The following RCAN1 variants were observed in gnomAD, a reference collection of about 807,000 sequenced individuals.
RCAN1 encodes calcipressin-1.
RCAN1 carries 11 observed loss-of-function variants against 22.9 expected under a neutral mutation model. The observed-to-expected ratio is 0.48, with a 90% confidence interval of 0.30 to 0.79. The LOEUF is 0.79. Ranked by LOEUF, RCAN1 falls within the 30% of genes least tolerant of loss-of-function variation. The pLI is 0.06. For synonymous variants in RCAN1, 136 were observed against 142.3 expected, an observed-to-expected ratio of 0.96 and a Z score of 0.32; for missense variants, 291 against 337.8, an observed-to-expected ratio of 0.86 and a Z score of 1.09.
chr21:34,551,642 C>A (rs1382229878), intron 1 of RCAN1, among the ~76,000 whole-genome samples: 1 of 152,096 alleles, frequency 6.6e-6, no homozygotes, highest in Non-Finnish European at 1.5e-5. Context: ...TTCTTTAAGT[C>A]AATCTTAAAG....
At chr21:34,568,835 G>T (rs1408724892) in intron 1 of RCAN1, among the ~76,000 whole-genome samples, 2 of 152,174 alleles carry the variant, frequency 1.3e-5, no homozygotes, top group Non-Finnish European at 2.9e-5. Flanking sequence ...TCACGTTGCT[G>T]ATAAAGATAT....
intron 1 of RCAN1, among the ~76,000 whole-genome samples, chr21:34,592,094 C>G (rs1040996577): frequency 6.6e-6 from 1 of 152,224 alleles, no homozygotes; most frequent in Non-Finnish European, 1.5e-5. Context: ...ATCAAAACTC[C>G]CTGTGCTTGG....
intron 1 of RCAN1, chr21:34,559,759 A>T (rs542662279): frequency 5.9e-5 from 9 of 152,334 alleles, no homozygotes; most frequent in African/African-American, 2.2e-4. Context: ...GGTGTTAACT[A>T]TCCTTACCTT....
chr21:34,596,768 C>G (rs1407750843), intron 1 of RCAN1, among the ~76,000 whole-genome samples: 1 of 152,234 alleles, frequency 6.6e-6, no homozygotes, highest in African/African-American at 2.4e-5. Context: ...CTTTGCCTCC[C>G]TGCCTTTATC....
At chr21:34,579,206 G>A (rs1188826003) in intron 1 of RCAN1, among the ~76,000 whole-genome samples, 1 of 152,096 alleles carries the variant, frequency 6.6e-6, no homozygotes, top group African/African-American at 2.4e-5. Flanking sequence ...ACCAACCTGG[G>A]CAACATGGCA....
intron 1 of RCAN1, among the ~76,000 whole-genome samples, chr21:34,601,526 G>A (rs1887373178): frequency 1.3e-5 from 2 of 152,154 alleles, no homozygotes; most frequent in South Asian, 4.1e-4. Context: ...CTATAAAGAA[G>A]GTGAATGCTA....
At chr21:34,536,634 G>A (rs993223758) in intron 1 of RCAN1, among the ~76,000 whole-genome samples, 12 of 151,450 alleles carry the variant, frequency 7.9e-5, no homozygotes, top group Non-Finnish European at 1.5e-5. Context: ...CTCCCAGGGA[G>A]GCTGGCGCAG....
intron 1 of RCAN1, among the ~76,000 whole-genome samples, chr21:34,550,185 G>A (rs1328170691): frequency 6.6e-6 from 1 of 152,056 alleles, no homozygotes. Context: ...TTACTTCCAC[G>A]ACAAAACAGC....
At chr21:34,567,375 T>C (rs1297131753) in intron 1 of RCAN1, among the ~76,000 whole-genome samples, 1 of 151,970 alleles carries the variant, frequency 6.6e-6, no homozygotes, top group East Asian at 1.9e-4. Context: ...CACATGCCTG[T>C]AGTCCCAGCT....
chr21:34,543,176 C>T (rs542146679), intron 1 of RCAN1, among the ~76,000 whole-genome samples: 1 of 152,346 alleles, frequency 6.6e-6, no homozygotes, highest in Non-Finnish European at 1.5e-5. Flanking sequence ...TGAATGACAG[C>T]CCCTCCCTAG....
chr21:34,592,619 T>G (rs1474169832), intron 1 of RCAN1, among the ~76,000 whole-genome samples: 1 of 152,198 alleles, frequency 6.6e-6, no homozygotes, highest in African/African-American at 2.4e-5. Flanking sequence ...GCCTTTACTC[T>G]ACGCCGGGAC....
At chr21:34,590,596 C>G (rs1568926004) in intron 1 of RCAN1, among the ~76,000 whole-genome samples, 3 of 152,190 alleles carry the variant, frequency 2.0e-5, no homozygotes, top group Admixed American at 6.5e-5. Flanking sequence ...TCATCCTCCT[C>G]CCATCCCAGC....
intron 1 of RCAN1, among the ~76,000 whole-genome samples, chr21:34,590,513 G>A (rs960602748): frequency 1.3e-5 from 2 of 152,216 alleles, no homozygotes; most frequent in Non-Finnish European, 2.9e-5. Flanking sequence ...CAAAAAAACT[G>A]TCCTGAATTT....
chr21:34,543,512 T>C (rs1369622088), intron 1 of RCAN1, among the ~76,000 whole-genome samples: 1 of 152,106 alleles, frequency 6.6e-6, no homozygotes, highest in Non-Finnish European at 1.5e-5. Flanking sequence ...GATTTTGGAG[T>C]TTGATCTCCA....
chr21:34,534,701 G>A (rs905926605), intron 1 of RCAN1, among the ~76,000 whole-genome samples: 6 of 152,202 alleles, frequency 3.9e-5, no homozygotes, highest in Non-Finnish European at 7.3e-5. Context: ...CAAAGGCCAG[G>A]CCATTCATTG....
At chr21:34,532,557 C>T (rs546551334) in intron 1 of RCAN1, among the ~76,000 whole-genome samples, 16 of 152,192 alleles carry the variant, frequency 1.1e-4, no homozygotes, top group Non-Finnish European at 2.1e-4. Context: ...ACAAAATAGT[C>T]TCTCAAAAAT....
At chr21:34,606,411 G>A (rs139212588) in intron 1 of RCAN1, among the ~76,000 whole-genome samples, 37 of 152,214 alleles carry the variant, frequency 2.4e-4, no homozygotes, top group Middle Eastern at 6.8e-3. Context: ...TTCCTTTACT[G>A]CCTGTGACAC....
chr21:34,560,718 GACATGATTTC>G (rs1165748405), intron 1 of RCAN1, among the ~76,000 whole-genome samples: 6 of 152,172 alleles, frequency 3.9e-5, no homozygotes, highest in African/African-American at 7.2e-5. Flanking sequence ...TGGAAATATT[GACATGATTTC>G]ACAAAGACAT....
intron 1 of RCAN1, among the ~76,000 whole-genome samples, chr21:34,560,565 T>G (rs1188757581): frequency 6.6e-6 from 1 of 152,230 alleles, no homozygotes; most frequent in Non-Finnish European, 1.5e-5. Flanking sequence ...AAAAGAGGAT[T>G]GTTGTAAAGT....
Sources: allele counts gnomAD v4.1 joint callset (sites outside exome capture counted in the v4.1 genomes callset), GRCh38; gene constraint gnomAD v4.1.1; transcripts MANE v1.5; gene names NCBI Gene and HGNC (gene_info 2026-07-23, HGNC 2026-07-21).